Variants in CLBA1 observed in about 807,000 individuals in gnomAD.
CLBA1 encodes the protein uncharacterized protein CLBA1.
CLBA1 carries 30 observed loss-of-function variants against 28.8 expected under a neutral mutation model. That is an observed-to-expected ratio of 1.04 (90% CI 0.78 to 1.41). CLBA1 has a LOEUF of 1.41. Ranked by LOEUF, CLBA1 falls within the 40% of genes most tolerant of loss-of-function variation. The pLI is 0.00. For missense variants in CLBA1, 451 were observed against 412.3 expected (o/e 1.09, Z -0.81); for synonymous variants, 160 against 152.8 (o/e 1.05, Z -0.35).
chr14:104,995,406 C>T lies in CLBA1; in HGVS notation c.*647C>T, dbSNP rs1566934551. 2.0e-6 allele frequency: 2 copies of T among 985,368 alleles called. No homozygotes were observed. Among genetic ancestry groups the T allele is most frequent in the Non-Finnish European group, 2.4e-6 (2 of 829,926 alleles). 61.0% of individuals were successfully genotyped at this position (985,368 alleles called of 1,614,324 possible). On this transcript the variant is annotated 3_prime_UTR_variant, in exon 5 of 5. Transcript: ENST00000547315. ...TGGCCTGCGAGAGCCTCTGGTGGGC[C>T]CGTGGCTTCCCCCAGTTATCTGCTA...
intron 4 of CLBA1, 59 bp downstream of exon 4, chr14:104,993,123 G>A: frequency 6.4e-7 from 1 of 1,566,596 alleles, no homozygotes; most frequent in Non-Finnish European, 8.6e-7. Flanking sequence ...CACACATGTG[G>A]AGCCCTCCGC....
At chr14:104,992,681 AG>A (rs1900067512) in intron 3 of CLBA1, among the ~76,000 whole-genome samples, 1 of 152,240 alleles carries the variant, frequency 6.6e-6, no homozygotes, top group Non-Finnish European at 1.5e-5. Flanking sequence ...GGCAGCCTGA[AG>A]GGTGTGTCTG....
Position 104,994,602 on chromosome 14 carries a change from C to G in CLBA1, c.821C>G (p.Ser274Trp), listed in dbSNP as rs751328833. The G allele has an allele frequency of 3.1e-6, 5 of 1,606,636 alleles. No individual in the cohort carries two copies. In the East Asian group the frequency reaches 1.1e-4, roughly 36 times the overall value. The change falls in exon 5 of 5, where the codon TCG becomes TGG. Residue 274 changes from serine to tryptophan, a missense_variant. Transcript: ENST00000547315. ...HCKALIQTKL[S>W]GPPGSKQGRL... ...ACTGCTGTCCTCTCATCTCAGCTCT[C>G]GGGGCCGCCTGGCAGCAAACAGGGG...
At chr14:104,998,472 T>C (rs976587754), downstream of CLBA1, among the ~76,000 whole-genome samples, 6 of 151,884 alleles carry the variant, frequency 4.0e-5, no homozygotes, top group Non-Finnish European at 8.8e-5. Context: ...AGGGTCTTGG[T>C]TTGGTTTGGC....
In CLBA1 at chr14:104,986,395, C is replaced by T; in HGVS notation, c.-37C>T. The T allele has an allele frequency of 6.3e-7, 1 of 1,597,150 alleles. No individual in the cohort carries two copies. ...CCCGGCGTGCATGTCTCCTGAGCAG[C>T]TGCCCATCGGGCCTCTGCTGGCCTG... On this transcript the variant is annotated 5_prime_UTR_variant, in exon 1 of 5. Transcript: ENST00000547315.
intron 4 of CLBA1, chr14:104,994,111 C>G (rs902125748): frequency 2.0e-6 from 2 of 985,126 alleles, no homozygotes; most frequent in African/African-American, 3.5e-5. Flanking sequence ...GGCTGTCCAT[C>G]TTTTTGAAAA....
chr14:104,989,820 C>A, intron 2 of CLBA1: 1 of 410,046 alleles, frequency 2.4e-6, no homozygotes, highest in Non-Finnish European at 5.0e-6. Flanking sequence ...CAGGGGAGAG[C>A]CAGGTCAGCC....
intron 3 of CLBA1, among the ~76,000 whole-genome samples, chr14:104,991,935 T>A (rs536718473): frequency 6.8e-6 from 1 of 146,110 alleles, no homozygotes; most frequent in South Asian, 2.2e-4. Flanking sequence ...GCCACGCACA[T>A]GCCACCACGC....
intron 4 of CLBA1, chr14:104,993,338 AGAG>A: frequency 1.0e-6 from 1 of 985,436 alleles, no homozygotes; most frequent in South Asian, 4.7e-5. Flanking sequence ...CAGGGAGAGA[AGAG>A]AGCTGCAGGG....
chr14:104,997,200 T>C (rs1900170989), downstream of CLBA1, among the ~76,000 whole-genome samples: 1 of 151,970 alleles, frequency 6.6e-6, no homozygotes, highest in South Asian at 2.1e-4. Flanking sequence ...AAAGACAGAA[T>C]GAAGATGCTG....
chr14:104,986,974 GCTT>G (rs1899884300), intron 1 of CLBA1, 120 bp downstream of exon 1: 2 of 1,213,736 alleles, frequency 1.6e-6, no homozygotes, highest in Non-Finnish European at 1.1e-6. Context: ...CAGAGCGTCT[GCTT>G]CTCTCCTGGC....
intron 1 of CLBA1, among the ~76,000 whole-genome samples, chr14:104,987,683 T>C (rs1328875712): frequency 7.2e-6 from 1 of 138,574 alleles, no homozygotes; most frequent in Non-Finnish European, 1.5e-5. Flanking sequence ...AGTGGCACTG[T>C]GTCGGCTCAC....
rs1481893621 is a variant in CLBA1, at chr14:104,989,039, G to A, written c.520G>A (p.Glu174Lys). 9 of 1,613,464 alleles carry A rather than the reference G, an allele frequency of 5.6e-6. No homozygotes were observed. The highest frequency in any genetic ancestry group is 6.8e-6 in the Non-Finnish European group (8 of 1,179,708). Residue 174 changes from glutamate (E) to lysine (K), a missense_variant, in exon 2 of 5, where the codon GAA (glutamate) becomes AAA (lysine). Glu to Lys is a moderately conservative substitution (Grantham distance 56). Transcript: ENST00000547315. ...EDVSTIDHFL[E>K]ISSEEKPGVE... The stretch of plus-strand genomic sequence containing the variant: ...CGTTTCCACCATAGACCATTTCCTA[G>A]AAATAAGCAGTGAAGAAAAACCTGG...
rs1900127183 is a variant in CLBA1, at chr14:104,994,741, T to C, written c.960T>C (p.Phe320=). ...FTPRKLKLTL[F]NSDVC ...CACGCAAGCTCAAACTGACACTCTT[T>C]AATAGCGACGTTTGCTAAAATCAGG... Residue 320 remains phenylalanine (F), a synonymous_variant, in exon 5 of 5, where the codon TTT becomes TTC. Transcript: ENST00000547315. The C allele has an allele frequency of 1.2e-6, 2 of 1,603,366 alleles. No individual in the cohort carries two copies. The highest frequency in any genetic ancestry group is 1.7e-6 in the Non-Finnish European group (2 of 1,176,258).
At chr14:104,994,509 G>A in intron 4 of CLBA1, 89 bp from the exon 5 acceptor site, 1 of 1,489,282 alleles carries the variant, frequency 6.7e-7, no homozygotes, top group Non-Finnish European at 8.8e-7. Flanking sequence ...AGGGGGCCGA[G>A]AGGCAGGGGG....
rs1275857421 is a variant in CLBA1, at chr14:104,986,278, C to G, written c.-154C>G. The G allele has an allele frequency of 1.4e-6, 1 of 734,990 alleles. No homozygotes were observed. Among genetic ancestry groups the G allele is most frequent in the South Asian group, 1.9e-5 (1 of 53,426 alleles). 45.5% of individuals were successfully genotyped at this position (734,990 alleles called of 1,614,324 possible). A position where few individuals can be genotyped will look rare whatever the true frequency, so the allele number is the denominator to read the frequency against. ...ACAGCAGCACGTGGGCACTTTCCACCGTCAGCCACTGGGCAGCCCGGGGCA... is the reference window on the plus strand; with the variant it reads ...ACAGCAGCACGTGGGCACTTTCCACGGTCAGCCACTGGGCAGCCCGGGGCA... On this transcript the variant is annotated 5_prime_UTR_variant, in exon 1 of 5. Coordinates refer to ENST00000547315, the MANE Select transcript of CLBA1 (RefSeq NM_174891.4).
At position 104,993,030 on chromosome 14, in the gene CLBA1, G is replaced by T. The variant is rs1329512130; in HGVS notation, c.782G>T (p.Cys261Phe). ...PEGLLTVSSFCLQHCKALIQT... is the reference protein window; with the variant it reads ...PEGLLTVSSFFLQHCKALIQT... ...GGACTCCTCACTGTCAGCAGCTTCT[G>T]TCTCCAGCATTGCAAAGCCCTGATC... The change falls in exon 4 of 5, where the codon TGT (cysteine) becomes TTT (phenylalanine). Residue 261 changes from cysteine (C) to phenylalanine (F), a missense_variant. By Grantham distance (205) the Cys-to-Phe change is radical. Coordinates refer to ENST00000547315, the MANE Select transcript of CLBA1 (RefSeq NM_174891.4). The T allele has an allele frequency of 1.9e-6, 3 of 1,614,094 alleles. No individual in the cohort carries two copies. In the East Asian group the frequency reaches 6.7e-5, roughly 36 times the overall value.
downstream of CLBA1, among the ~76,000 whole-genome samples, chr14:104,995,954 C>G (rs906177622): frequency 5.3e-5 from 8 of 152,208 alleles, no homozygotes; most frequent in African/African-American, 1.9e-4. Flanking sequence ...CTTTTGGGCC[C>G]TGCCAGCAGA....
chr14:104,986,372 C>G lies in CLBA1; in HGVS notation c.-60C>G. On this transcript the variant is annotated 5_prime_UTR_variant, in exon 1 of 5. Transcript: ENST00000547315. ...GGGCAGTCCTGGGCGGCCAGCACCC[C>G]GGCGTGCATGTCTCCTGAGCAGCTG... 1 of 1,550,702 alleles carries G rather than the reference C, an allele frequency of 6.4e-7. No individual in the cohort carries two copies. The highest frequency in any genetic ancestry group is 1.4e-5 in the African/African-American group (1 of 74,044).
Sources: allele counts gnomAD v4.1 joint callset (sites outside exome capture counted in the v4.1 genomes callset), GRCh38; gene constraint gnomAD v4.1.1; transcripts MANE v1.5; gene names NCBI Gene and HGNC (gene_info 2026-07-23, HGNC 2026-07-21).